MTREX: variants seen among roughly 807,000 people sequenced by gnomAD.
MTREX encodes exosome RNA helicase MTR4.
In MTREX, 76 loss-of-function variants were observed where a neutral mutation model predicts 135.4. The observed-to-expected ratio is 0.56, with a 90% CI of 0.47 to 0.68. The LOEUF (loss-of-function observed/expected upper bound fraction) is 0.68, where lower values mean the gene tolerates loss of function less well. Ranked by LOEUF, MTREX falls within the 30% of genes least tolerant of loss-of-function variation. The pLI is 0.00. For missense variants in MTREX, 920 were observed against 1,262.1 expected (o/e 0.73, Z 4.11); for synonymous variants, 404 against 401.6 (o/e 1.01, Z -0.07).
At chr5:55,313,196 G>A (rs1042007589) in intron 1 of MTREX, among the ~76,000 whole-genome samples, 17 of 151,606 alleles carry the variant, frequency 1.1e-4, no homozygotes, top group Middle Eastern at 3.4e-3. Flanking sequence ...CAGCACTTTC[G>A]GAGGCTGAGG....
At chr5:55,349,091 A>G (rs547440134) in intron 11 of MTREX, among the ~76,000 whole-genome samples, 8 of 152,072 alleles carry the variant, frequency 5.3e-5, no homozygotes, top group African/African-American at 1.9e-4. Context: ...ATGTTTTGAA[A>G]GGCAGAGAAT....
intron 2 of MTREX, among the ~76,000 whole-genome samples, chr5:55,322,976 C>T (rs1008506748): frequency 6.6e-6 from 1 of 152,154 alleles, no homozygotes; most frequent in African/African-American, 2.4e-5. Context: ...TGCCAGTACC[C>T]TTGGTTGACC....
rs1043846889 is a variant in MTREX at position 55,372,450 on chromosome 5, A to G, written c.1810+5575A>G. On this transcript the variant is annotated intron_variant, in intron 16 of 26. Coordinates refer to ENST00000230640, the MANE Select transcript of MTREX (RefSeq NM_015360.5). The stretch of plus-strand genomic sequence containing the variant: ...AGTAGCAATATCCTTTCTGTTTACC[A>G]TGAGCTATACTGTTAGCTAAGTATA... Among the ~76,000 whole-genome samples, 10 of 151,668 alleles carry G rather than the reference A, an allele frequency of 6.6e-5. 1 individual carries two copies. The East Asian group carries it at 1.6e-3, about 24-fold the overall frequency.
chr5:55,421,122 GC>G (rs1367883075), intron 25 of MTREX, among the ~76,000 whole-genome samples: 10 of 152,174 alleles, frequency 6.6e-5, no homozygotes, highest in Non-Finnish European at 1.0e-4. Context: ...GCTTCATTTA[GC>G]CTATGATGGG....
intron 21 of MTREX, 42 bp downstream of exon 21, chr5:55,400,463 T>G (rs1363526585): frequency 1.5e-6 from 2 of 1,311,626 alleles, no homozygotes; most frequent in Non-Finnish European, 2.1e-6. Flanking sequence ...TTCTATATGT[T>G]TCACTGAATA....
At chr5:55,383,259 A>G (rs1750426079) in intron 18 of MTREX, among the ~76,000 whole-genome samples, 1 of 152,110 alleles carries the variant, frequency 6.6e-6, no homozygotes, top group Non-Finnish European at 1.5e-5. Context: ...TACCTTTACC[A>G]GTGTTCTTTA....
rs370315058 is a variant in MTREX at position 55,424,774 on chromosome 5, G to A, written c.*2G>A. 1.4e-5 allele frequency: 22 copies of A among 1,605,890 alleles called. No individual in the cohort carries two copies. The highest frequency in any genetic ancestry group is 1.9e-5 in the Non-Finnish European group (22 of 1,172,722). On this transcript the variant is annotated 3_prime_UTR_variant, in exon 27 of 27. Transcript: ENST00000230640. ...TTTGCTGCCAGCCTCTACTTGTAGAGTCAGCTAAAGGAATGTGAGATTTTA... is the reference window on the plus strand; with the variant it reads ...TTTGCTGCCAGCCTCTACTTGTAGAATCAGCTAAAGGAATGTGAGATTTTA...
At chr5:55,387,050 T>C (rs987703109) in intron 18 of MTREX, among the ~76,000 whole-genome samples, 2 of 152,124 alleles carry the variant, frequency 1.3e-5, no homozygotes, top group Non-Finnish European at 1.5e-5. Context: ...GTGTTTAAAC[T>C]AAGGAATGTT....
intron 19 of MTREX, among the ~76,000 whole-genome samples, chr5:55,390,264 G>A (rs552998889): frequency 5.3e-4 from 81 of 152,078 alleles, no homozygotes; most frequent in Non-Finnish European, 9.6e-4. Flanking sequence ...CGCCGTGCCC[G>A]GCTAATTTTT....
At chr5:55,344,267 G>A (rs1201636962) in intron 8 of MTREX, among the ~76,000 whole-genome samples, 4 of 152,180 alleles carry the variant, frequency 2.6e-5, no homozygotes, top group Non-Finnish European at 5.9e-5. Flanking sequence ...GCTAGGTAAT[G>A]GGTAGTTGAT....
chr5:55,346,759 G>A (rs920037550), intron 10 of MTREX, among the ~76,000 whole-genome samples: 1 of 151,990 alleles, frequency 6.6e-6, no homozygotes, highest in Non-Finnish European at 1.5e-5. Flanking sequence ...TTCTGTTTGA[G>A]GTTGTCTTTT....
chr5:55,381,080 T>G (rs946246718), intron 18 of MTREX, among the ~76,000 whole-genome samples: 1 of 152,212 alleles, frequency 6.6e-6, no homozygotes, highest in Admixed American at 6.5e-5. Context: ...CGTAGTATTA[T>G]TTTATAATCC....
chr5:55,322,478 A>G lies in MTREX; in HGVS notation c.272+14A>G. 6.4e-7 allele frequency: 1 copy of G among 1,568,828 alleles called. No homozygotes were observed. The highest frequency in any genetic ancestry group is 8.6e-7 in the Non-Finnish European group (1 of 1,163,116). On this transcript the variant is annotated intron_variant, in intron 2 of 26. Transcript: ENST00000230640. ...TGAAGACTTAAGGTAATATTTCCAAAGTCCTAAATGTTAGTAACTCATAAT... is the reference window on the plus strand; with the variant it reads ...TGAAGACTTAAGGTAATATTTCCAAGGTCCTAAATGTTAGTAACTCATAAT...
chr5:55,402,820 ATATG>A (rs1256896705), intron 21 of MTREX, among the ~76,000 whole-genome samples: 1 of 33,754 alleles, frequency 3.0e-5, no homozygotes, highest in Non-Finnish European at 8.3e-5. Context: ...TAAGCACATT[ATATG>A]TGTGTGTGTG....
At chr5:55,423,409 G>T (rs1751087418) in intron 26 of MTREX, 1 of 160,276 alleles carries the variant, frequency 6.2e-6, no homozygotes, top group Non-Finnish European at 1.4e-5. Flanking sequence ...CACAGGGAAG[G>T]TGGCAGTTAA....
chr5:55,399,080 A>C (rs1424053604), intron 20 of MTREX, among the ~76,000 whole-genome samples: 1 of 152,190 alleles, frequency 6.6e-6, no homozygotes, highest in African/African-American at 2.4e-5. Flanking sequence ...CCAGTGACTC[A>C]GTTTCTTTAT....
At chr5:55,344,726 C>A (rs752323590) in intron 9 of MTREX, 106 bp downstream of exon 9, 3 of 650,324 alleles carry the variant, frequency 4.6e-6, no homozygotes, top group Non-Finnish European at 5.1e-6. Context: ...GGAAAAGATA[C>A]ATTTGTTTGT....
At position 55,309,272 on chromosome 5, in the gene MTREX, A is replaced by G. The variant is rs540732970; in HGVS notation, c.134+1125A>G. On this transcript the variant is annotated intron_variant, in intron 1 of 26. Coordinates refer to ENST00000230640, the MANE Select transcript of MTREX (RefSeq NM_015360.5). ...ACATGAGGGGCCTTGAATATCAAGC[A>G]GAGGAGTTTTGATTTCATTTTTAAA... Among the ~76,000 whole-genome samples, 9 of 152,308 alleles carry G rather than the reference A, an allele frequency of 5.9e-5. No homozygotes were observed. The East Asian group carries it at 1.7e-3, about 29-fold the overall frequency.
rs771882401 is a variant in MTREX, at chr5:55,425,219, T to G, written c.*447T>G. On this transcript the variant is annotated 3_prime_UTR_variant, in exon 27 of 27. Coordinates refer to ENST00000230640, the MANE Select transcript of MTREX (RefSeq NM_015360.5). ...CCCTGCTGCCTTTCAAGGCTGGTGA[T>G]TGCTCGGATAGTGATTCCCAGTTGT... 2.4e-5 allele frequency: 39 copies of G among 1,613,416 alleles called. No individual in the cohort carries two copies. The highest frequency in any genetic ancestry group is 3.2e-5 in the Non-Finnish European group (38 of 1,179,858).
Sources: gnomAD v4.1 joint callset for allele counts (sites outside exome capture counted in the v4.1 genomes callset) on GRCh38, gnomAD v4.1.1 for gene constraint, MANE v1.5 for transcripts, NCBI Gene and HGNC (gene_info 2026-07-23, HGNC 2026-07-21) for gene names.